CAPRIN2: variants seen among roughly 807,000 people sequenced by gnomAD.
The protein encoded by CAPRIN2 is caprin family member 2, also known as caprin-2.
A neutral mutation model predicts 130.4 loss-of-function variants in CAPRIN2; 66 were observed. The observed-to-expected ratio is 0.51, with a 90% CI of 0.42 to 0.62. The LOEUF is 0.62. Ranked by LOEUF, CAPRIN2 falls within the 20% of genes least tolerant of loss-of-function variation. The pLI is 0.00. For missense variants in CAPRIN2, 1,185 were observed against 1,246.6 expected (o/e 0.95, Z 0.74); for synonymous variants, 471 against 444.1 (o/e 1.06, Z -0.76).
intron 8 of CAPRIN2, 94 bp downstream of exon 9, chr12:30,728,554 C>A (rs1269445642): frequency 1.8e-4 from 148 of 809,242 alleles, no homozygotes; most frequent in African/African-American, 6.5e-4. Flanking sequence ...TTCTCCATCT[C>A]AAAAAAAAAA....
rs761101172 is a variant in CAPRIN2, at chr12:30,733,685, G to C, written c.836C>G (p.Ser279Cys). Residue 279 changes from serine (S) to cysteine (C), a missense_variant, in exon 5 of 17, where the codon TCC becomes TGC. Ser to Cys is a moderately radical substitution (Grantham distance 112). Transcript: ENST00000298892. ...TTCCAAAAGGTCCCAAAAGTACAAG[G>C]ATGACTGCTCCATCTGGTCTTCAAC... 16 of 1,613,394 alleles carry C rather than the reference G, an allele frequency of 9.9e-6. No homozygotes were observed. Among genetic ancestry groups the C allele is most frequent in the Non-Finnish European group, 1.4e-5 (16 of 1,179,568 alleles).
intron 16 of CAPRIN2, 127 bp downstream of exon 18, chr12:30,711,439 G>C (rs1474567411): frequency 1.4e-6 from 1 of 739,898 alleles, no homozygotes; most frequent in African/African-American, 1.8e-5. Context: ...CTACATTCAA[G>C]CAAATTGAAA....
At chr12:30,715,323 GAAT>G (rs2057140416) in intron 13 of CAPRIN2, 182 bp from the exon 16 acceptor site, 3 of 655,750 alleles carry the variant, frequency 4.6e-6, no homozygotes, top group Non-Finnish European at 8.1e-6. Flanking sequence ...ATATATAATG[GAAT>G]ATTATTCAGC....
Position 30,743,199 on chromosome 12 carries a change from C to T in CAPRIN2, c.484-2093G>A, listed in dbSNP as rs559485672. Reference sequence around the variant, plus strand: ...CATACAAAACTTTACTTTAGGATTCCGTCTTTGATGTCTTCTAACAAAGAG... The same window carrying T: ...CATACAAAACTTTACTTTAGGATTCTGTCTTTGATGTCTTCTAACAAAGAG... On this transcript the variant is annotated intron_variant, in intron 2 of 16. Coordinates refer to ENST00000298892, the Ensembl canonical transcript of CAPRIN2. Among the ~76,000 whole-genome samples, 19 of 146,160 alleles carry T rather than the reference C, an allele frequency of 1.3e-4. No homozygotes were observed. The South Asian group carries it at 3.1e-3, about 24-fold the overall frequency.
chr12:30,743,442 T>C (rs2068456392), intron 2 of CAPRIN2, among the ~76,000 whole-genome samples: 2 of 152,194 alleles, frequency 1.3e-5, no homozygotes, highest in South Asian at 2.1e-4. Context: ...CAATTGTCGA[T>C]GCCATCCCTT....
intron 1 of CAPRIN2, among the ~76,000 whole-genome samples, chr12:30,752,342 G>C (rs1184610459): frequency 1.3e-5 from 2 of 152,042 alleles, no homozygotes; most frequent in African/African-American, 4.8e-5. Flanking sequence ...AATTAAAGAG[G>C]TACTATAGGT....
chr12:30,719,968 T>C (rs2058861025), intron 12 of CAPRIN2: 2 of 152,244 alleles, frequency 1.3e-5, no homozygotes, highest in African/African-American at 4.8e-5. Context: ...TACCTGATAG[T>C]TGCTAAATTA....
At chr12:30,753,783 G>A in exon 1 of CAPRIN2, 1 of 1,583,628 alleles carries the variant, frequency 6.3e-7, no homozygotes, top group Non-Finnish European at 8.6e-7. Context: ...AAAGTAATTA[G>A]TGCCGCTAGC....
intron 6 of CAPRIN2, 152 bp from the exon 8 acceptor site, chr12:30,730,434 T>C: frequency 1.6e-6 from 1 of 622,622 alleles, no homozygotes; most frequent in Non-Finnish European, 2.8e-6. Context: ...AGAGGAATTA[T>C]ATTCCTTGTT....
At chr12:30,719,138 G>A (rs981914713) in intron 12 of CAPRIN2, 4 of 1,614,030 alleles carry the variant, frequency 2.5e-6, no homozygotes, top group Admixed American at 1.7e-5. Flanking sequence ...CTTGCTGGAG[G>A]TGACTGGAAG....
chr12:30,725,537 CTA>C (rs1225910658), intron 9 of CAPRIN2, among the ~76,000 whole-genome samples: 9 of 152,166 alleles, frequency 5.9e-5, no homozygotes, highest in Non-Finnish European at 1.3e-4. Context: ...TATCATTTAA[CTA>C]TTGATTTAAC....
At chr12:30,742,454 G>C (rs547475387) in intron 2 of CAPRIN2, among the ~76,000 whole-genome samples, 2 of 151,980 alleles carry the variant, frequency 1.3e-5, no homozygotes, top group African/African-American at 2.4e-5. Context: ...CTGATTCTCA[G>C]TAACACCTAA....
chr12:30,748,083 A>G (rs544703620), intron 2 of CAPRIN2, among the ~76,000 whole-genome samples: 2 of 152,338 alleles, frequency 1.3e-5, no homozygotes, highest in East Asian at 3.9e-4. Context: ...TCTACTGGTA[A>G]AGATATTATG....
chr12:30,728,570 A>AAG, intron 8 of CAPRIN2, 78 bp downstream of exon 9: 1 of 1,245,214 alleles, frequency 8.0e-7, no homozygotes, highest in Non-Finnish European at 1.1e-6. Context: ...AAAAAAAAAA[A>AAG]GAGAACTAAA....
exon 1 of CAPRIN2, chr12:30,753,411 T>C: frequency 3.1e-6 from 5 of 1,614,032 alleles, no homozygotes; most frequent in Non-Finnish European, 4.2e-6. Flanking sequence ...ATAGGTCTCA[T>C]ACGCTTGGGA....
chr12:30,714,117 T>G (rs1163801394), intron 14 of CAPRIN2, among the ~76,000 whole-genome samples: 2 of 151,954 alleles, frequency 1.3e-5, no homozygotes, highest in African/African-American at 4.8e-5. Flanking sequence ...AAATGCAAGG[T>G]GGGGTTGGGA....
chr12:30,734,684 C>T (rs920048343), intron 4 of CAPRIN2, among the ~76,000 whole-genome samples: 1 of 151,906 alleles, frequency 6.6e-6, no homozygotes, highest in African/African-American at 2.4e-5. Context: ...ATGCTCAGAC[C>T]TCATTTTTTT....
chr12:30,738,215 G>A (rs2065772892), intron 3 of CAPRIN2, among the ~76,000 whole-genome samples: 1 of 151,596 alleles, frequency 6.6e-6, no homozygotes, highest in African/African-American at 2.4e-5. Flanking sequence ...TAAAATGAAA[G>A]TAAATCTCAA....
intron 3 of CAPRIN2, among the ~76,000 whole-genome samples, chr12:30,738,474 T>C (rs1251944882): frequency 6.6e-6 from 1 of 152,150 alleles, no homozygotes; most frequent in Non-Finnish European, 1.5e-5. Context: ...ACCTAGGAAA[T>C]ACCATTCTGA....
Sources: allele counts gnomAD v4.1 joint callset (sites outside exome capture counted in the v4.1 genomes callset), GRCh38; gene constraint gnomAD v4.1.1; transcripts MANE v1.5; gene names NCBI Gene and HGNC (gene_info 2026-07-23, HGNC 2026-07-21).